CEP170: variants seen among roughly 807,000 people sequenced by gnomAD.
CEP170 encodes centrosomal protein 170.
In CEP170, 21 loss-of-function variants were observed where a neutral mutation model predicts 151.9. The observed-to-expected ratio is 0.14, with a 90% CI of 0.10 to 0.20. The LOEUF (loss-of-function observed/expected upper bound fraction) is 0.20, where lower values mean the gene tolerates loss of function less well. CEP170 is among the 10% of genes least tolerant of loss of function. The pLI is 1.00. For synonymous variants in CEP170, 356 were observed against 648.8 expected (o/e 0.55, Z 6.86); for missense variants, 964 against 1,892.9 (o/e 0.51, Z 9.11).
intron 11 of CEP170, among the ~76,000 whole-genome samples, chr1:243,170,122 T>C (rs1371591160): frequency 5.3e-5 from 8 of 152,194 alleles, no homozygotes; most frequent in Admixed American, 4.6e-4. Flanking sequence ...GTGTGGTGGT[T>C]GATGCCTGTA....
chr1:243,187,381 TA>T (rs767119230), intron 8 of CEP170, among the ~76,000 whole-genome samples: 163 of 152,348 alleles, frequency 1.1e-3, no homozygotes, highest in Non-Finnish European at 2.1e-3. Context: ...AAGTATATGA[TA>T]AAAATAATCA....
At chr1:243,204,348 T>C (rs2061267500) in intron 4 of CEP170, among the ~76,000 whole-genome samples, 2 of 152,232 alleles carry the variant, frequency 1.3e-5, no homozygotes, top group Admixed American at 6.5e-5. Flanking sequence ...TTAGATGCTA[T>C]GATATGATGT....
chr1:243,243,086 C>CTA (rs2065017530), intron 1 of CEP170, among the ~76,000 whole-genome samples: 2 of 152,182 alleles, frequency 1.3e-5, no homozygotes, highest in South Asian at 4.1e-4. Context: ...AGAGAAAAGG[C>CTA]TAGGCGTGGT....
chr1:243,231,944 C>T lies in CEP170; in HGVS notation c.-41-6623G>A, dbSNP rs574489575. ...TTTCCACATCAGCAATCCTCACTGT[C>T]TTTTCTTCTTCTTCTTCTTCTTTTT... is the stretch of plus-strand genomic sequence containing the variant. On this transcript the variant is annotated intron_variant, in intron 1 of 19. Transcript: ENST00000366542. 8.7e-4 allele frequency among the ~76,000 whole-genome samples: 132 copies of T among 152,004 alleles called. 1 individual carries two copies. The highest frequency in any genetic ancestry group is 2.9e-3 in the African/African-American group (122 of 41,480).
intron 1 of CEP170, among the ~76,000 whole-genome samples, chr1:243,245,953 A>G (rs1323032997): frequency 1.3e-5 from 2 of 151,940 alleles, no homozygotes; most frequent in Non-Finnish European, 2.9e-5. Context: ...CTCAAAAAAA[A>G]AAAGAAAAAA....
intron 1 of CEP170, among the ~76,000 whole-genome samples, chr1:243,249,097 G>C (rs1317727803): frequency 6.6e-6 from 1 of 152,114 alleles, no homozygotes; most frequent in Non-Finnish European, 1.5e-5. Context: ...TCATAGAGGG[G>C]ACACAAAATA....
At chr1:243,167,897 T>C (rs2058555690) in intron 12 of CEP170, among the ~76,000 whole-genome samples, 1 of 151,940 alleles carries the variant, frequency 6.6e-6, no homozygotes, top group Non-Finnish European at 1.5e-5. Context: ...TCATATACAT[T>C]CAATATGCTT....
intron 2 of CEP170, among the ~76,000 whole-genome samples, 160 bp downstream of exon 2, chr1:243,225,016 G>A (rs1211063601): frequency 6.6e-6 from 1 of 152,014 alleles, no homozygotes; most frequent in Non-Finnish European, 1.5e-5. Context: ...ACTTTTTTTA[G>A]ATGATTCAAG....
chr1:243,205,539 C>T (rs953316803), intron 4 of CEP170, among the ~76,000 whole-genome samples: 1 of 152,058 alleles, frequency 6.6e-6, no homozygotes, highest in African/African-American at 2.4e-5. Flanking sequence ...GTTTACTGAC[C>T]CCCCACAGTA....
intron 4 of CEP170, among the ~76,000 whole-genome samples, chr1:243,203,117 T>A (rs1413599380): frequency 1.3e-5 from 2 of 152,198 alleles, no homozygotes; most frequent in Admixed American, 1.3e-4. Context: ...CTGGTGTAAC[T>A]GTGAGATCTG....
intron 12 of CEP170, among the ~76,000 whole-genome samples, chr1:243,167,306 T>C (rs1327457776): frequency 6.6e-6 from 1 of 151,940 alleles, no homozygotes; most frequent in Middle Eastern, 3.2e-3. Flanking sequence ...ATTTTAAAAA[T>C]TGTAAGTATG....
At chr1:243,131,269 A>AT (rs1415411859) in intron 17 of CEP170, among the ~76,000 whole-genome samples, 1 of 152,180 alleles carries the variant, frequency 6.6e-6, no homozygotes, top group African/African-American at 2.4e-5. Flanking sequence ...AGGTGGGTGG[A>AT]TCACTTGATG....
chr1:243,170,340 G>A (rs1390327017), intron 11 of CEP170, among the ~76,000 whole-genome samples: 2 of 152,132 alleles, frequency 1.3e-5, no homozygotes, highest in East Asian at 1.9e-4. Flanking sequence ...AGCTGAGATC[G>A]TGCCACTGCA....
intron 14 of CEP170, among the ~76,000 whole-genome samples, chr1:243,148,873 T>G (rs185647320): frequency 2.0e-5 from 3 of 152,152 alleles, no homozygotes; most frequent in Admixed American, 1.3e-4. Context: ...TGAAAAAAAT[T>G]TGGCAAACCC....
intron 12 of CEP170, chr1:243,169,141 A>G (rs917896238): frequency 3.2e-5 from 5 of 156,002 alleles, no homozygotes; most frequent in African/African-American, 1.2e-4. Context: ...ATATCTTAAG[A>G]TATCAGCATA....
At chr1:243,230,158 C>A (rs1163105260) in intron 1 of CEP170, among the ~76,000 whole-genome samples, 1 of 151,792 alleles carries the variant, frequency 6.6e-6, no homozygotes, top group East Asian at 1.9e-4. Flanking sequence ...CAAGACCAGC[C>A]TGGGCAACAT....
intron 16 of CEP170, 43 bp downstream of exon 16, chr1:243,139,894 A>C: frequency 6.3e-7 from 1 of 1,591,484 alleles, no homozygotes; most frequent in Non-Finnish European, 8.6e-7. Context: ...TACTTATGGA[A>C]TATGCTGCTT....
At chr1:243,187,357 A>G (rs1374034117) in intron 8 of CEP170, among the ~76,000 whole-genome samples, 1 of 152,228 alleles carries the variant, frequency 6.6e-6, no homozygotes, top group African/African-American at 2.4e-5. Flanking sequence ...TAAAATTCTC[A>G]TTACCTAAAT....
chr1:243,194,925 T>C (rs904836356), intron 7 of CEP170, among the ~76,000 whole-genome samples: 2 of 151,950 alleles, frequency 1.3e-5, no homozygotes, highest in African/African-American at 4.8e-5. Context: ...GGTGATAATC[T>C]GCTTATGTTC....
Sources: allele counts gnomAD v4.1 joint callset (sites outside exome capture counted in the v4.1 genomes callset), GRCh38; gene constraint gnomAD v4.1.1; transcripts MANE v1.5; gene names NCBI Gene and HGNC (gene_info 2026-07-23, HGNC 2026-07-21).